Variants in EIF4A3 observed in about 807,000 individuals in gnomAD.
The protein encoded by EIF4A3 is eukaryotic translation initiation factor 4A3.
A neutral mutation model predicts 55.6 loss-of-function variants in EIF4A3; 1 was observed. The observed-to-expected ratio is 0.02, with a 90% CI of 0.01 to 0.09. The LOEUF (loss-of-function observed/expected upper bound fraction) is 0.09. EIF4A3 is among the 10% of genes least tolerant of loss of function. EIF4A3 has a pLI of 1.00. For missense variants in EIF4A3, 221 were observed against 540.7 expected (o/e 0.41, Z 5.86); for synonymous variants, 194 against 196.3 (o/e 0.99, Z 0.10).
chr17:80,134,944 G>T lies in EIF4A3; in HGVS notation c.*546C>A, dbSNP rs2039558265. 6.6e-6 allele frequency among the ~76,000 whole-genome samples: 1 copy of T among 152,160 alleles called. No individual in the cohort carries two copies. The highest frequency in any genetic ancestry group is 6.5e-5 in the Admixed American group (1 of 15,278). Reference sequence around the variant, plus strand: ...AGGTGGGTGGATCACGAGGTCAGGAGATCGAGACCATCTTGGCTAACACGG... The same window carrying T: ...AGGTGGGTGGATCACGAGGTCAGGATATCGAGACCATCTTGGCTAACACGG... On this transcript the variant is annotated 3_prime_UTR_variant, in exon 12 of 12. Transcript: ENST00000649764.
chr17:80,135,526 C>T lies in EIF4A3; in HGVS notation c.1220-20G>A, dbSNP rs747319043. ...CAGCAACTGAAAGTGAAGAAAGAAA[C>T]AGATTAAGGAACAACACAAACAAAA... is the stretch of plus-strand genomic sequence containing the variant. On this transcript the variant is annotated intron_variant, in intron 11 of 11. Coordinates refer to ENST00000649764, the MANE Select transcript of EIF4A3 (RefSeq NM_014740.4). 7.1e-6 allele frequency: 11 copies of T among 1,549,894 alleles called. No individual in the cohort carries two copies. Among genetic ancestry groups the T allele is most frequent in the Middle Eastern group, 1.7e-4 (1 of 6,010 alleles).
intron 3 of EIF4A3, 43 bp from the exon 4 acceptor site, chr17:80,141,424 A>G (rs769609123): frequency 1.3e-6 from 2 of 1,580,672 alleles, no homozygotes; most frequent in South Asian, 2.2e-5. Context: ...CCGCAGTATT[A>G]TCAAAGTGGA....
chr17:80,138,019 C>T, intron 8 of EIF4A3, 123 bp downstream of exon 8: 2 of 1,292,078 alleles, frequency 1.5e-6, no homozygotes, highest in Non-Finnish European at 2.2e-6. Flanking sequence ...CAAGAGAACA[C>T]ATACCCTGAA....
rs532549007 is a variant in EIF4A3, at chr17:80,139,537, G to A, written c.586+133C>T. The A allele has an allele frequency of 2.8e-4, 229 of 820,028 alleles. 2 individuals carry two copies. The highest frequency in any genetic ancestry group is 3.7e-4 in the Middle Eastern group (1 of 2,722). 50.8% of individuals were successfully genotyped at this position (820,028 alleles called of 1,614,324 possible). The stretch of plus-strand genomic sequence containing the variant: ...GGAATTTTTTGTTCATAATTGCCAA[G>A]GCACAATTGTTTTTCCACGATGAAA... On this transcript the variant is annotated intron_variant, in intron 6 of 11. Coordinates refer to ENST00000649764, the MANE Select transcript of EIF4A3 (RefSeq NM_014740.4).
At position 80,135,994 on chromosome 17, in the gene EIF4A3, G is replaced by T. The variant is rs568631923; in HGVS notation, c.1219+10C>A. 2.5e-5 allele frequency: 40 copies of T among 1,613,082 alleles called. No individual in the cohort carries two copies. Among genetic ancestry groups the T allele is most frequent in the Admixed American group, 1.5e-4 (9 of 59,952 alleles). On this transcript the variant is annotated intron_variant, in intron 11 of 11. Coordinates refer to ENST00000649764, the MANE Select transcript of EIF4A3 (RefSeq NM_014740.4). ...CTCTACAATTACAGTAGAGCTGGAC[G>T]ATTTCCTACCGTTCATCGGCATCTC...
rs187836981 is a variant in EIF4A3 at position 80,139,526 on chromosome 17, A to T, written c.586+144T>A. On this transcript the variant is annotated intron_variant, in intron 6 of 11. Transcript: ENST00000649764. ...AAATCAAGGTAGGAATTTTTTGTTC[A>T]TAATTGCCAAGGCACAATTGTTTTT... 5 of 776,458 alleles carry T rather than the reference A, an allele frequency of 6.4e-6. No individual in the cohort carries two copies. The African/African-American group carries it at 7.1e-5, about 11-fold the overall frequency. 48.1% of individuals were successfully genotyped at this position (776,458 alleles called of 1,614,324 possible).
At chr17:80,141,895 C>T (rs375698755) in intron 2 of EIF4A3, 47 bp from the exon 3 acceptor site, 173 of 1,530,262 alleles carry the variant, frequency 1.1e-4, no homozygotes, top group Middle Eastern at 3.4e-4. Flanking sequence ...GGACAGGCCA[C>T]GCCACAGCTG....
At chr17:80,142,441 A>G (rs1435638785) in intron 2 of EIF4A3, among the ~76,000 whole-genome samples, 1 of 152,132 alleles carries the variant, frequency 6.6e-6, no homozygotes, top group Non-Finnish European at 1.5e-5. Flanking sequence ...TGCCTTTCAG[A>G]TTGTGAGTCA....
intron 3 of EIF4A3, 25 bp downstream of exon 3, chr17:80,141,757 G>A (rs200118915): frequency 1.9e-6 from 3 of 1,595,820 alleles, no homozygotes; most frequent in East Asian, 2.2e-5. Context: ...TTACATAACA[G>A]TTTGTTTTAA....
At chr17:80,136,362 G>A (rs370545915) in intron 9 of EIF4A3, 27 bp from the exon 10 acceptor site, 31 of 1,568,246 alleles carry the variant, frequency 2.0e-5, no homozygotes, top group African/African-American at 1.1e-4. Flanking sequence ...TGTTTGAGGC[G>A]ATTAAATTAC....
At chr17:80,146,672 C>A (rs1478346399) in intron 1 of EIF4A3, 121 bp downstream of exon 1, 1 of 1,255,092 alleles carries the variant, frequency 8.0e-7, no homozygotes, top group South Asian at 1.6e-5. Flanking sequence ...GCCCCCGAGC[C>A]TCGACCCTGA....
chr17:80,140,211 G>GT, intron 4 of EIF4A3, 71 bp from the exon 5 acceptor site: 4 of 1,426,308 alleles, frequency 2.8e-6, no homozygotes, highest in Non-Finnish European at 3.7e-6. Flanking sequence ...AAGAAAGACT[G>GT]TTTCTCCTCC....
rs367995643 is a variant in EIF4A3, at chr17:80,140,861, A to G, written c.372+458T>C. 3.0e-4 allele frequency among the ~76,000 whole-genome samples: 46 copies of G among 152,130 alleles called. No individual in the cohort carries two copies. In the East Asian group the frequency reaches 8.5e-3, roughly 28 times the overall value. On this transcript the variant is annotated intron_variant, in intron 4 of 11. Transcript: ENST00000649764. ...GCCCAGACTAGAGTACAACGGCACAATCTCAGCTCACTGCAACCTCTGCCT... is the reference window on the plus strand; with the variant it reads ...GCCCAGACTAGAGTACAACGGCACAGTCTCAGCTCACTGCAACCTCTGCCT...
intron 4 of EIF4A3, chr17:80,140,372 A>G: frequency 2.6e-6 from 1 of 377,978 alleles, no homozygotes; most frequent in South Asian, 4.5e-5. Context: ...GGGGGGCAGC[A>G]GCGCAATCTT....
Position 80,139,928 on chromosome 17 carries a change from A to G in EIF4A3, c.505+80T>C, listed in dbSNP as rs201091122. 2.8e-5 allele frequency: 43 copies of G among 1,557,862 alleles called. No individual in the cohort carries two copies. In the East Asian group the frequency reaches 9.0e-4, roughly 33 times the overall value. ...AAAAGTCTACCGTGCGGCCTACCAA[A>G]TCGAAAGCTGTCCTGTACCATTTAA... On this transcript the variant is annotated intron_variant, in intron 5 of 11. Coordinates refer to ENST00000649764, the MANE Select transcript of EIF4A3 (RefSeq NM_014740.4).
rs2039577792 is a variant in EIF4A3, at chr17:80,137,160, C to A, written c.983+226G>T. 2.6e-5 allele frequency: 10 copies of A among 389,948 alleles called. No individual in the cohort carries two copies. The Admixed American group carries it at 4.5e-4, about 18-fold the overall frequency. The allele number at this position is 389,948 out of a possible 1,614,324, so 24.2% of individuals were successfully genotyped here. On this transcript the variant is annotated intron_variant, in intron 9 of 11. Coordinates refer to ENST00000649764, the MANE Select transcript of EIF4A3 (RefSeq NM_014740.4). ...AGACACACGCTTGTAACCAAGGTGA[C>A]CAACCTGGCTAGTTAAGGCTAGTTA...
chr17:80,135,901 A>C (rs1032396713), intron 11 of EIF4A3, 103 bp downstream of exon 11: 11 of 1,499,810 alleles, frequency 7.3e-6, no homozygotes, highest in Non-Finnish European at 9.9e-6. Context: ...TCTCAAAAAC[A>C]AAACAAAAAA....
Position 80,136,238 on chromosome 17 carries a change from A to G in EIF4A3, c.1081T>C (p.Tyr361His). 6.2e-7 allele frequency: 1 copy of G among 1,613,970 alleles called. No individual in the cohort carries two copies. Among genetic ancestry groups the G allele is most frequent in the Non-Finnish European group, 8.5e-7 (1 of 1,179,826 alleles). The change falls in exon 10 of 12, where the codon TAC (tyrosine) becomes CAC (histidine). Residue 361 changes from tyrosine (Y) to histidine (H), a missense_variant. By Grantham distance (83) the Tyr-to-His change is moderately conservative. This residue lies in a region of EIF4A3 where 93 missense variants were observed against 278.5 expected (regional missense o/e 0.33). Transcript: ENST00000649764. ...GAGCTTGCACCTTACCTGTGTATGT[A>G]CAATTCTCTGTTATTAGGGAGATCA... ...NYDLPNNREL[Y>H]IHRIGRSGRY...
intron 9 of EIF4A3, chr17:80,137,095 G>C: frequency 3.7e-6 from 1 of 271,064 alleles, no homozygotes; most frequent in Non-Finnish European, 6.9e-6. Flanking sequence ...TAAACTAATC[G>C]AAACGATGAA....
Sources: allele counts gnomAD v4.1 joint callset (sites outside exome capture counted in the v4.1 genomes callset), GRCh38; gene constraint gnomAD v4.1.1; regional missense constraint gnomAD v4.1.1; transcripts MANE v1.5; gene names NCBI Gene and HGNC (gene_info 2026-07-23, HGNC 2026-07-21).